MYT1L: variants seen among roughly 807,000 people sequenced by gnomAD.
MYT1L encodes myelin transcription factor 1 like, also known as myelin transcription factor 1-like protein.
A neutral mutation model predicts 126.7 loss-of-function variants in MYT1L; 12 were observed. The observed-to-expected ratio is 0.09, with a 90% CI of 0.06 to 0.15. MYT1L has a LOEUF of 0.15. Among genes scored for constraint, MYT1L ranks in the 10% least tolerant of loss-of-function variants. The probability of loss-of-function intolerance (pLI) is 1.00; values close to 1 mark genes in which losing one functional copy is unlikely to be tolerated. For missense variants in MYT1L, 979 were observed against 1,585.2 expected (o/e 0.62, Z 6.49); for synonymous variants, 541 against 604.2 (o/e 0.90, Z 1.53).
intron 18 of MYT1L, among the ~76,000 whole-genome samples, chr2:1,859,443 C>T (rs1342780738): frequency 1.3e-5 from 2 of 152,088 alleles, no homozygotes; most frequent in African/African-American, 2.4e-5. Flanking sequence ...ATGGGCTAGG[C>T]CCCAGGTTGC....
At chr2:2,216,744 T>C (rs1363803214) in intron 2 of MYT1L, among the ~76,000 whole-genome samples, 1 of 151,504 alleles carries the variant, frequency 6.6e-6, no homozygotes, top group African/African-American at 2.4e-5. Context: ...TTTAAGAAGG[T>C]CAATCAGAGT....
At chr2:2,037,086 T>C (rs2066943166) in intron 4 of MYT1L, among the ~76,000 whole-genome samples, 2 of 152,352 alleles carry the variant, frequency 1.3e-5, no homozygotes, top group Non-Finnish European at 2.9e-5. Context: ...TCCTTTACTT[T>C]AAGCCTCAGC....
chr2:1,823,818 G>A (rs868685282), intron 21 of MYT1L, among the ~76,000 whole-genome samples: 17 of 152,360 alleles, frequency 1.1e-4, no homozygotes, highest in Admixed American at 7.8e-4. Flanking sequence ...GGCGGCCCTC[G>A]TCCCGTGTGG....
chr2:1,954,813 C>T (rs938809206), intron 8 of MYT1L, among the ~76,000 whole-genome samples: 3 of 151,796 alleles, frequency 2.0e-5, no homozygotes, highest in Non-Finnish European at 4.4e-5. Context: ...TCCTGTAATC[C>T]CAGCACTTTG....
At chr2:2,216,124 C>T (rs1438736382) in intron 2 of MYT1L, among the ~76,000 whole-genome samples, 2 of 151,818 alleles carry the variant, frequency 1.3e-5, no homozygotes, top group Non-Finnish European at 2.9e-5. Flanking sequence ...GAAGCAGATG[C>T]TGGTGCCATG....
chr2:2,166,032 G>A (rs1037519548), intron 3 of MYT1L, among the ~76,000 whole-genome samples: 3 of 152,140 alleles, frequency 2.0e-5, no homozygotes, highest in African/African-American at 7.2e-5. Flanking sequence ...GAGCTATGGG[G>A]AAAACTAAAG....
At chr2:2,130,095 A>G (rs2148008958) in intron 3 of MYT1L, among the ~76,000 whole-genome samples, 1 of 152,212 alleles carries the variant, frequency 6.6e-6, no homozygotes, top group South Asian at 2.1e-4. Context: ...ATTATAGGAC[A>G]GAAAAATAAT....
intron 3 of MYT1L, among the ~76,000 whole-genome samples, chr2:2,060,982 A>C (rs2070385741): frequency 1.3e-5 from 2 of 151,994 alleles, no homozygotes; most frequent in African/African-American, 4.8e-5. Flanking sequence ...TTTATTCTTA[A>C]TATATAAAAA....
chr2:2,173,171 C>A (rs1008253626), intron 2 of MYT1L, among the ~76,000 whole-genome samples, 183 bp from the exon 3 acceptor site: 4 of 152,170 alleles, frequency 2.6e-5, no homozygotes, highest in African/African-American at 7.2e-5. Flanking sequence ...CTAATAATGG[C>A]TAACTAGAAG....
At chr2:2,308,591 T>C (rs549894155) in intron 1 of MYT1L, among the ~76,000 whole-genome samples, 1 of 152,060 alleles carries the variant, frequency 6.6e-6, no homozygotes, top group East Asian at 1.9e-4. Flanking sequence ...TAACTTACAC[T>C]TCAGTACATT....
chr2:1,843,606 G>A (rs1272242267), intron 19 of MYT1L, among the ~76,000 whole-genome samples: 1 of 151,438 alleles, frequency 6.6e-6, no homozygotes, highest in Non-Finnish European at 1.5e-5. Context: ...TTACTATGGT[G>A]TCCTTCCTAG....
At chr2:2,009,148 G>GT (rs747241839) in intron 4 of MYT1L, among the ~76,000 whole-genome samples, 6 of 148,520 alleles carry the variant, frequency 4.0e-5, no homozygotes, top group Admixed American at 6.7e-5. Context: ...CCTTCTCAGT[G>GT]GTTTTTTTTT....
intron 1 of MYT1L, among the ~76,000 whole-genome samples, chr2:2,288,749 T>G (rs968989685): frequency 3.9e-5 from 6 of 152,146 alleles, no homozygotes; most frequent in African/African-American, 1.4e-4. Context: ...AGAGTATCAG[T>G]TATCAGGTTA....
chr2:1,919,916 G>C lies in MYT1L; in HGVS notation c.1483+2370C>G, dbSNP rs2053353524. 2.0e-5 allele frequency among the ~76,000 whole-genome samples: 3 copies of C among 152,142 alleles called. 1 individual carries two copies. In the South Asian group the frequency reaches 6.2e-4, roughly 32 times the overall value. On this transcript the variant is annotated intron_variant, in intron 10 of 24. Coordinates refer to ENST00000647738, the MANE Select transcript of MYT1L (RefSeq NM_001303052.2). ...GCTGACTTTTTGTATTTTTAGTAGA[G>C]ACAGTGTTAGCCAGGATGGTCTCGA... is the stretch of plus-strand genomic sequence containing the variant.
At chr2:2,144,514 C>CT (rs1427769937) in intron 3 of MYT1L, among the ~76,000 whole-genome samples, 1 of 152,200 alleles carries the variant, frequency 6.6e-6, no homozygotes, top group Non-Finnish European at 1.5e-5. Context: ...CCCTGAATCT[C>CT]TAATACTATG....
At chr2:2,089,951 A>G (rs1217496477) in intron 3 of MYT1L, among the ~76,000 whole-genome samples, 1 of 152,210 alleles carries the variant, frequency 6.6e-6, no homozygotes, top group Non-Finnish European at 1.5e-5. Context: ...CACACCAGAC[A>G]CAGCAGTTCC....
chr2:1,868,669 GCCC>G (rs559322153), intron 18 of MYT1L, among the ~76,000 whole-genome samples: 1 of 152,200 alleles, frequency 6.6e-6, no homozygotes, highest in African/African-American at 2.4e-5. Context: ...CCTTCTCTGT[GCCC>G]CCCTTCTCTG....
chr2:2,053,078 TAGAA>T (rs1467326107), intron 4 of MYT1L, among the ~76,000 whole-genome samples: 4 of 152,146 alleles, frequency 2.6e-5, no homozygotes, highest in Admixed American at 6.5e-5. Context: ...TATTCAGCCT[TAGAA>T]AGGAAGGATG....
intron 21 of MYT1L, among the ~76,000 whole-genome samples, chr2:1,838,364 T>C (rs1202363307): frequency 1.3e-5 from 2 of 152,220 alleles, no homozygotes; most frequent in Non-Finnish European, 2.9e-5. Flanking sequence ...CATACCCCTT[T>C]GTTCATTCTG....
Sources: allele counts gnomAD v4.1 joint callset (sites outside exome capture counted in the v4.1 genomes callset), GRCh38; gene constraint gnomAD v4.1.1; transcripts MANE v1.5; gene names NCBI Gene and HGNC (gene_info 2026-07-23, HGNC 2026-07-21).